Variants in RSBN1L observed in about 807,000 individuals in gnomAD.
The protein encoded by RSBN1L is lysine-specific demethylase RSBN1L.
In RSBN1L, 30 loss-of-function variants were observed where a neutral mutation model predicts 67.7. The ratio of observed to expected loss-of-function variants is 0.44; its 90% CI spans 0.33 to 0.60. The LOEUF (loss-of-function observed/expected upper bound fraction) is 0.60. RSBN1L is among the 20% of genes least tolerant of loss of function. RSBN1L has a pLI of 0.02. For synonymous variants in RSBN1L, 433 were observed against 387.0 expected (o/e 1.12, Z -1.39); for missense variants, 992 against 1,031.7 (o/e 0.96, Z 0.53).
rs1211377159 is a variant in RSBN1L, at chr7:77,772,656, C to G, written c.1626-491C>G. ...GTTTTTTGATTCTTCCCTCACTAGA[C>G]AGACTATAAACTCCCACGAGAGTGG... On this transcript the variant is annotated intron_variant, in intron 5 of 7. Transcript: ENST00000334955. Among the ~76,000 whole-genome samples, 4 of 152,366 alleles carry G rather than the reference C, an allele frequency of 2.6e-5. No homozygotes were observed. The East Asian group carries it at 7.7e-4, about 29-fold the overall frequency.
At chr7:77,768,135 G>A (rs574297440) in intron 4 of RSBN1L, among the ~76,000 whole-genome samples, 47 of 152,008 alleles carry the variant, frequency 3.1e-4, no homozygotes, top group African/African-American at 9.9e-4. Context: ...GATTACAGGC[G>A]TGAGCCACTG....
At chr7:77,750,118 G>A (rs572160998) in intron 3 of RSBN1L, 54 bp downstream of exon 3, 8 of 1,123,782 alleles carry the variant, frequency 7.1e-6, no homozygotes, top group Non-Finnish European at 9.5e-6. Flanking sequence ...TTTTAGATGA[G>A]TTTCTGTTTT....
At chr7:77,705,933 C>T (rs1430512166) in intron 1 of RSBN1L, among the ~76,000 whole-genome samples, 1 of 152,052 alleles carries the variant, frequency 6.6e-6, no homozygotes, top group Non-Finnish European at 1.5e-5. Context: ...TGAAGTCTCA[C>T]TTTGTCGCCA....
At position 77,749,776 on chromosome 7, in the gene RSBN1L, G is replaced by A. The variant is rs1791530294; in HGVS notation, c.1056G>A (p.Glu352=). ...TLEFKQLIHI[E]HQPNGGASVI... is the part of the protein sequence containing the mutation. ...AATTTAAACAACTCATTCATATAGA[G>A]CACCAGCCTAATGGAGGTGCATCGG... The change falls in exon 3 of 8, where the codon GAG becomes GAA. Residue 352 remains glutamate (E), a synonymous_variant. Transcript: ENST00000334955. 1 of 1,614,160 alleles carries A rather than the reference G, an allele frequency of 6.2e-7. No individual in the cohort carries two copies. Among genetic ancestry groups the A allele is most frequent in the African/African-American group, 1.3e-5 (1 of 75,042 alleles).
chr7:77,710,555 G>C (rs550062327), intron 1 of RSBN1L, among the ~76,000 whole-genome samples: 1 of 152,022 alleles, frequency 6.6e-6, no homozygotes, highest in South Asian at 2.1e-4. Flanking sequence ...CCTTCACTTT[G>C]TTCTTCTCTT....
intron 1 of RSBN1L, among the ~76,000 whole-genome samples, chr7:77,727,431 C>A (rs989599486): frequency 6.6e-6 from 1 of 152,150 alleles, no homozygotes; most frequent in Non-Finnish European, 1.5e-5. Flanking sequence ...AATGCTCATA[C>A]TACTTTTTTT....
intron 1 of RSBN1L, among the ~76,000 whole-genome samples, chr7:77,725,054 G>A (rs1791178294): frequency 6.6e-6 from 1 of 150,914 alleles, no homozygotes. Context: ...ATGTTGGCCA[G>A]GCTGGTCTTG....
chr7:77,724,432 C>CTTT (rs557313211), intron 1 of RSBN1L, among the ~76,000 whole-genome samples: 1 of 136,434 alleles, frequency 7.3e-6, no homozygotes, highest in African/African-American at 2.7e-5. Context: ...TTTCTTTTTT[C>CTTT]TTTTTTTTTT....
In RSBN1L at chr7:77,696,812, T is replaced by C; in HGVS notation, c.343T>C (p.Ser115Pro). The change falls in exon 1 of 8, where the codon TCA (serine) becomes CCA (proline). Residue 115 changes from serine (S) to proline (P), a missense_variant. Coordinates refer to ENST00000334955, the MANE Select transcript of RSBN1L (RefSeq NM_198467.3). Reference sequence around the variant, plus strand: ...CTCCGCTGGCACGGCCGTTCCCTCCTCAGCCTCCGCTTCCTTGTCTCAGCC... The same window carrying C: ...CTCCGCTGGCACGGCCGTTCCCTCCCCAGCCTCCGCTTCCTTGTCTCAGCC... ...SFSAGTAVPS[S>P]ASASLSQPVP... is the part of the protein sequence containing the mutation. 6.2e-7 allele frequency: 1 copy of C among 1,613,664 alleles called. No homozygotes were observed. Among genetic ancestry groups the C allele is most frequent in the Non-Finnish European group, 8.5e-7 (1 of 1,180,000 alleles).
chr7:77,749,302 C>A, intron 2 of RSBN1L, 122 bp from the exon 3 acceptor site: 1 of 740,160 alleles, frequency 1.4e-6, no homozygotes, highest in Non-Finnish European at 2.1e-6. Context: ...AAAATGAGTC[C>A]TAAATATATA....
At chr7:77,739,739 C>CTTTTT (rs1173154183) in intron 2 of RSBN1L, among the ~76,000 whole-genome samples, 1,871 of 42,682 alleles carry the variant, frequency 0.044, 371 homozygotes, top group East Asian at 0.097. Flanking sequence ...AAAAATGTGT[C>CTTTTT]TTTTTTTTTT....
At chr7:77,776,643 G>A (rs1791918170) in intron 6 of RSBN1L, among the ~76,000 whole-genome samples, 2 of 152,112 alleles carry the variant, frequency 1.3e-5, no homozygotes, top group Non-Finnish European at 2.9e-5. Context: ...TTGATGAATT[G>A]GCCCCTTTTT....
At chr7:77,774,788 T>C (rs1368797120) in intron 6 of RSBN1L, among the ~76,000 whole-genome samples, 3 of 152,226 alleles carry the variant, frequency 2.0e-5, no homozygotes, top group Non-Finnish European at 4.4e-5. Context: ...AGATTTTTGT[T>C]TTCCAAAATT....
intron 1 of RSBN1L, among the ~76,000 whole-genome samples, chr7:77,724,234 C>T (rs997116137): frequency 2.0e-5 from 3 of 151,658 alleles, no homozygotes; most frequent in Non-Finnish European, 4.4e-5. Context: ...TATGTGAGTA[C>T]ATATTATGTT....
At chr7:77,762,727 C>G (rs1183636387) in intron 3 of RSBN1L, among the ~76,000 whole-genome samples, 1 of 152,132 alleles carries the variant, frequency 6.6e-6, no homozygotes, top group Non-Finnish European at 1.5e-5. Flanking sequence ...CATTTAAATA[C>G]ATAAATTTTA....
chr7:77,697,911 A>G (rs1790762343), intron 1 of RSBN1L, among the ~76,000 whole-genome samples: 2 of 152,264 alleles, frequency 1.3e-5, no homozygotes, highest in South Asian at 2.1e-4. Flanking sequence ...CGGATACACA[A>G]TGATCTGACA....
At chr7:77,704,364 A>G (rs1790860943) in intron 1 of RSBN1L, among the ~76,000 whole-genome samples, 1 of 152,232 alleles carries the variant, frequency 6.6e-6, no homozygotes, top group Non-Finnish European at 1.5e-5. Flanking sequence ...ATAATGATAA[A>G]CTTAAAACTT....
intron 5 of RSBN1L, among the ~76,000 whole-genome samples, chr7:77,771,368 G>T (rs1791847932): frequency 6.6e-6 from 1 of 152,142 alleles, no homozygotes; most frequent in South Asian, 2.1e-4. Context: ...TTGCATGATG[G>T]CAGGGACTTT....
rs750470173 is a variant in RSBN1L, at chr7:77,749,753, T to G, written c.1033T>G (p.Phe345Val). 1.9e-6 allele frequency: 3 copies of G among 1,614,206 alleles called. No individual in the cohort carries two copies. Among genetic ancestry groups the G allele is most frequent in the South Asian group, 1.1e-5 (1 of 91,088 alleles). The change falls in exon 3 of 8, where the codon TTT becomes GTT. Residue 345 changes from phenylalanine (F) to valine (V), a missense_variant. Transcript: ENST00000334955. ...NNLKRLDTLE[F>V]KQLIHIEHQP... ...CCTCAAAAGGTTGGACACTTTGGAA[T>G]TTAAACAACTCATTCATATAGAGCA...
Sources: allele counts gnomAD v4.1 joint callset (sites outside exome capture counted in the v4.1 genomes callset), GRCh38; gene constraint gnomAD v4.1.1; transcripts MANE v1.5; gene names NCBI Gene and HGNC (gene_info 2026-07-23, HGNC 2026-07-21).